Variants in PHF21A observed in about 807,000 individuals in gnomAD.
PHF21A encodes the protein BHC80a.
Under a neutral mutation model 82.5 loss-of-function variants are expected in PHF21A, and 11 were observed. The ratio of observed to expected loss-of-function variants is 0.13; its 90% confidence interval spans 0.08 to 0.22. The LOEUF is 0.22. PHF21A is among the 10% of genes least tolerant of loss of function. The probability of loss-of-function intolerance (pLI) is 1.00; values close to 1 mark genes in which losing one functional copy is unlikely to be tolerated. For missense variants in PHF21A, 579 were observed against 837.8 expected, an observed-to-expected ratio of 0.69 and a Z score of 3.81; for synonymous variants, 297 against 302.8, an observed-to-expected ratio of 0.98 and a Z score of 0.20.
At chr11:46,068,495 C>T (rs2096620383) in intron 6 of PHF21A, among the ~76,000 whole-genome samples, 1 of 152,130 alleles carries the variant, frequency 6.6e-6, no homozygotes. Context: ...CAAAAATTAA[C>T]GTTCTCCAAA....
intron 18 of PHF21A, chr11:45,934,798 A>AC: frequency 5.7e-6 from 2 of 349,688 alleles, no homozygotes; most frequent in South Asian, 4.4e-5. Flanking sequence ...CCGGGGACTT[A>AC]GAGTCTTTTG....
intron 1 of PHF21A, 51 bp from the exon 2 acceptor site, chr11:46,092,274 G>A (rs936148905): frequency 5.3e-5 from 8 of 151,950 alleles, no homozygotes; most frequent in African/African-American, 1.9e-4. Context: ...ACATATTTAT[G>A]ACATGTCATT....
rs779384650 is a variant in PHF21A, at chr11:45,938,301, A to G, written c.1464T>C (p.His488=). The G allele has an allele frequency of 7.5e-6, 12 of 1,610,658 alleles. No homozygotes were observed. The highest frequency in any genetic ancestry group is 1.0e-5 in the Non-Finnish European group (12 of 1,178,584). ...TTCTGCAAACGCTGCAAAAATCCTC[A>G]TGAATATCACCCTATAAAGTTGAGA... ...PSPTSTDGDI[H]EDFCSVCRKS... The change falls in exon 16 of 19, where the codon CAT becomes CAC. Residue 488 remains histidine (H), a synonymous_variant. Transcript: ENST00000676320.
At chr11:45,946,496 G>C (rs1038883461) in intron 14 of PHF21A, among the ~76,000 whole-genome samples, 1 of 152,126 alleles carries the variant, frequency 6.6e-6, no homozygotes, top group Admixed American at 6.5e-5. Flanking sequence ...CCATTCTCCT[G>C]CCTCAGCCTC....
rs754937092 is a variant in PHF21A, at chr11:45,981,940, C to CTTTTTTTTT, written c.154-1983_154-1975dup. On this transcript the variant is annotated intron_variant, in intron 6 of 18. Transcript: ENST00000676320. ...GGTTTGTTTCTCTCTTTTTGTTTTT[C>CTTTTTTTTT]TTTTTTTTTTTTTTTTTTTTTTTTT... Among the ~76,000 whole-genome samples, 166 of 78,278 alleles carry CTTTTTTTTT rather than the reference C, an allele frequency of 2.1e-3. 2 individuals are homozygous for CTTTTTTTTT. The highest frequency in any genetic ancestry group is 2.7e-3 in the South Asian group (5 of 1,834). 51.4% of individuals were successfully genotyped at this position (78,278 alleles called of 152,430 possible).
chr11:46,099,330 C>T (rs750159691), intron 1 of PHF21A, among the ~76,000 whole-genome samples: 8 of 152,260 alleles, frequency 5.3e-5, no homozygotes, highest in Non-Finnish European at 8.8e-5. Context: ...CCTGCTGCAT[C>T]GATAGCCAAG....
At chr11:46,049,245 C>T (rs1317726959) in intron 6 of PHF21A, among the ~76,000 whole-genome samples, 1 of 152,180 alleles carries the variant, frequency 6.6e-6, no homozygotes, top group Non-Finnish European at 1.5e-5. Flanking sequence ...CTGTCAGAGC[C>T]AGGCTTTAAA....
At chr11:45,958,578 G>A (rs1391682990) in intron 10 of PHF21A, among the ~76,000 whole-genome samples, 2 of 149,504 alleles carry the variant, frequency 1.3e-5, no homozygotes, top group Non-Finnish European at 3.0e-5. Context: ...TCCAGCCTGG[G>A]TGACAGAGCA....
chr11:46,015,895 C>CATCTATCTATCTATCT (rs35580116), intron 6 of PHF21A, among the ~76,000 whole-genome samples: 121 of 149,594 alleles, frequency 8.1e-4, no homozygotes, highest in South Asian at 2.6e-3. Context: ...GTTTTACAGT[C>CATCTATCTATCTATCT]ATCTATCTAT....
chr11:45,943,085 C>CT (rs2090652903), intron 15 of PHF21A, among the ~76,000 whole-genome samples: 1 of 149,150 alleles, frequency 6.7e-6, no homozygotes, highest in African/African-American at 2.5e-5. Context: ...TCCATCTCTG[C>CT]TTCTTCCAAG....
chr11:45,992,703 T>C (rs895364506), intron 6 of PHF21A, among the ~76,000 whole-genome samples: 1 of 152,214 alleles, frequency 6.6e-6, no homozygotes, highest in Non-Finnish European at 1.5e-5. Flanking sequence ...GCAAGTTATA[T>C]GAATGAGTTC....
At chr11:45,989,349 T>G (rs2094596745) in intron 6 of PHF21A, among the ~76,000 whole-genome samples, 2 of 151,780 alleles carry the variant, frequency 1.3e-5, no homozygotes, top group Non-Finnish European at 2.9e-5. Context: ...TAAAACAAAT[T>G]TGGTTAAAAA....
chr11:46,118,107 C>G (rs1470729320), intron 1 of PHF21A: 1 of 152,052 alleles, frequency 6.6e-6, no homozygotes, highest in African/African-American at 2.4e-5. Context: ...GCAGCTCCTT[C>G]CAGAAGACTG....
Position 46,046,745 on chromosome 11 carries a change from AACAC to A in PHF21A, c.153+30005_153+30008del, listed in dbSNP as rs140368358. 1.1e-3 allele frequency among the ~76,000 whole-genome samples: 173 copies of A among 152,228 alleles called. 1 individual carries two copies. Among genetic ancestry groups the A allele is most frequent in the African/African-American group, 3.7e-3 (153 of 41,520 alleles). On this transcript the variant is annotated intron_variant, in intron 6 of 18. Coordinates refer to ENST00000676320, the MANE Select transcript of PHF21A (RefSeq NM_001352027.3). ...ATGGCAAATGAGCTTTCTACATGTA[AACAC>A]ACTATAAAACCCAACAACATAGAAG... is the stretch of plus-strand genomic sequence containing the variant.
At chr11:46,086,121 A>T (rs2096853541) in intron 3 of PHF21A, among the ~76,000 whole-genome samples, 1 of 151,406 alleles carries the variant, frequency 6.6e-6, no homozygotes, top group African/African-American at 2.4e-5. Context: ...TTTAGCTACT[A>T]TCTTTTTTTT....
chr11:46,119,111 T>TA (rs33935532), intron 1 of PHF21A, among the ~76,000 whole-genome samples: 57,142 of 149,928 alleles, frequency 0.38, 11,519 homozygotes, highest in East Asian at 0.72. Context: ...ACAACTGCTT[T>TA]AAAAAAAAAA....
At chr11:45,957,179 CAAT>C in intron 10 of PHF21A, among the ~76,000 whole-genome samples, 1 of 151,434 alleles carries the variant, frequency 6.6e-6, no homozygotes, top group South Asian at 2.1e-4. Flanking sequence ...AACAGTTCTA[CAAT>C]AATAAATGGA....
chr11:46,045,475 T>C lies in PHF21A; in HGVS notation c.153+31279A>G, dbSNP rs573638102. Among the ~76,000 whole-genome samples the C allele has an allele frequency of 2.0e-5, 3 of 152,288 alleles. No individual in the cohort carries two copies. The East Asian group carries it at 5.8e-4, about 29-fold the overall frequency. ...AGTGGCTGATATGTTTTTAGGACAC[T>C]ACTATTACTCCAGTCTAATTACTTG... On this transcript the variant is annotated intron_variant, in intron 6 of 18. Transcript: ENST00000676320.
intron 6 of PHF21A, among the ~76,000 whole-genome samples, chr11:46,057,165 G>A (rs2096469675): frequency 6.6e-6 from 1 of 152,108 alleles, no homozygotes; most frequent in African/African-American, 2.4e-5. Context: ...AGTTTTTACT[G>A]GGTCATGTCC....
Sources: allele counts gnomAD v4.1 joint callset (sites outside exome capture counted in the v4.1 genomes callset), GRCh38; gene constraint gnomAD v4.1.1; transcripts MANE v1.5; gene names NCBI Gene and HGNC (gene_info 2026-07-23, HGNC 2026-07-21).